PTPRD: variants seen among roughly 807,000 people sequenced by gnomAD.
PTPRD encodes the protein receptor-type tyrosine-protein phosphatase delta.
In PTPRD, 34 loss-of-function variants were observed where a neutral mutation model predicts 214.5. The ratio of observed to expected loss-of-function variants is 0.16; its 90% CI spans 0.12 to 0.21. The LOEUF is 0.21. PTPRD is among the 10% of genes least tolerant of loss of function. The probability of loss-of-function intolerance (pLI) is 1.00; values close to 1 mark genes in which losing one functional copy is unlikely to be tolerated. For missense variants in PTPRD, 2,545 were observed against 2,398.7 expected (o/e 1.06, Z -1.27); for synonymous variants, 1,128 against 845.7 (o/e 1.33, Z -5.79).
At position 8,695,410 on chromosome 9, in the gene PTPRD, G is replaced by A. The variant is rs555397962; in HGVS notation, c.64+38370C>T. 9.0e-4 allele frequency among the ~76,000 whole-genome samples: 137 copies of A among 151,820 alleles called. 1 individual carries two copies. Among genetic ancestry groups the A allele is most frequent in the Middle Eastern group, 6.8e-3 (2 of 294 alleles). On this transcript the variant is annotated intron_variant, in intron 12 of 45. Transcript: ENST00000381196. ...CCCACCCCCGCACCCCCACCCACTGGCATACACAGCAGGTTACTATAGAAT... is the reference window on the plus strand; with the variant it reads ...CCCACCCCCGCACCCCCACCCACTGACATACACAGCAGGTTACTATAGAAT...
intron 6 of PTPRD, among the ~76,000 whole-genome samples, chr9:9,754,596 C>A (rs1438665508): frequency 1.3e-5 from 2 of 152,018 alleles, no homozygotes; most frequent in East Asian, 3.8e-4. Context: ...CAATATTATA[C>A]TGATATTACA....
chr9:8,688,808 C>T (rs2097746458), intron 12 of PTPRD, among the ~76,000 whole-genome samples: 1 of 152,110 alleles, frequency 6.6e-6, no homozygotes, highest in Admixed American at 6.5e-5. Context: ...CATCAAACTA[C>T]ATTCAGTCTC....
At chr9:9,382,359 G>A (rs1358712013) in intron 9 of PTPRD, among the ~76,000 whole-genome samples, 1 of 151,984 alleles carries the variant, frequency 6.6e-6, no homozygotes, top group Non-Finnish European at 1.5e-5. Flanking sequence ...CTTATGCACA[G>A]CAAAGAAATA....
In PTPRD at chr9:9,908,221, C is replaced by A. The variant is rs1322657579; in HGVS notation, c.-368+30286G>T. On this transcript the variant is annotated intron_variant, in intron 5 of 45. Coordinates refer to ENST00000381196, the MANE Select transcript of PTPRD (RefSeq NM_002839.4). ...AAATTAAATACCTCTCTGGAATTTA[C>A]ACATATAGAACATTCCTGCTCAATG... Among the ~76,000 whole-genome samples the A allele has an allele frequency of 2.0e-5, 3 of 151,966 alleles. No homozygotes were observed. In the South Asian group the frequency reaches 6.2e-4, roughly 31 times the overall value.
intron 11 of PTPRD, among the ~76,000 whole-genome samples, chr9:8,946,718 C>T (rs1006707914): frequency 2.0e-5 from 3 of 152,116 alleles, no homozygotes; most frequent in Non-Finnish European, 4.4e-5. Flanking sequence ...TAACAGATCC[C>T]CAGGTTGCTC....
At chr9:8,854,934 GGAATCACATAT>G (rs1220706737) in intron 11 of PTPRD, among the ~76,000 whole-genome samples, 3 of 152,014 alleles carry the variant, frequency 2.0e-5, no homozygotes, top group African/African-American at 7.2e-5. Context: ...ACTGAGAACT[GGAATCACATAT>G]GAATTTGCAC....
At chr9:9,501,283 A>G (rs1057170564) in intron 8 of PTPRD, among the ~76,000 whole-genome samples, 2 of 151,992 alleles carry the variant, frequency 1.3e-5, no homozygotes, top group Non-Finnish European at 2.9e-5. Context: ...TTTAAAACAC[A>G]GATTGGAAGT....
chr9:8,863,614 G>T (rs2098143998), intron 11 of PTPRD, among the ~76,000 whole-genome samples: 1 of 152,050 alleles, frequency 6.6e-6, no homozygotes, highest in Non-Finnish European at 1.5e-5. Flanking sequence ...TATTGGTTTT[G>T]TTTTTTCATT....
intron 7 of PTPRD, among the ~76,000 whole-genome samples, chr9:9,673,101 A>T (rs1044494202): frequency 1.3e-5 from 2 of 152,036 alleles, no homozygotes; most frequent in Non-Finnish European, 2.9e-5. Context: ...ACAAACAGGT[A>T]CAAATTTTGA....
intron 5 of PTPRD, chr9:9,800,521 A>T (rs1186733334): frequency 6.6e-6 from 1 of 152,230 alleles, no homozygotes; most frequent in Admixed American, 6.5e-5. Flanking sequence ...AGATCCTTTA[A>T]TGATTTATAA....
intron 7 of PTPRD, among the ~76,000 whole-genome samples, chr9:9,690,997 A>C (rs2097260586): frequency 1.3e-5 from 2 of 151,814 alleles, no homozygotes; most frequent in Admixed American, 6.6e-5. Flanking sequence ...ATATTTAAAG[A>C]GTGTCATTCT....
intron 36 of PTPRD, among the ~76,000 whole-genome samples, chr9:8,400,031 T>C (rs564021337): frequency 8.7e-6 from 1 of 114,416 alleles, no homozygotes; most frequent in South Asian, 2.3e-4. Context: ...TAATGTCTTG[T>C]CTTTGTTGTT....
intron 3 of PTPRD, among the ~76,000 whole-genome samples, chr9:10,234,066 A>G (rs571300016): frequency 6.6e-6 from 1 of 151,898 alleles, no homozygotes; most frequent in South Asian, 2.1e-4. Context: ...CAGCCTGGCC[A>G]ACATGGTGAA....
intron 3 of PTPRD, among the ~76,000 whole-genome samples, chr9:10,288,057 A>T (rs910738419): frequency 6.6e-6 from 1 of 151,670 alleles, no homozygotes; most frequent in Non-Finnish European, 1.5e-5. Flanking sequence ...ATATGAATCA[A>T]TTAAGAATTC....
chr9:9,913,235 C>A (rs1391730949), intron 5 of PTPRD, among the ~76,000 whole-genome samples: 1 of 152,076 alleles, frequency 6.6e-6, no homozygotes, highest in Non-Finnish European at 1.5e-5. Flanking sequence ...AGCTACAGAG[C>A]AACACTGAAT....
At chr9:9,183,447 T>C (rs960079654) in intron 9 of PTPRD, 84 bp from the exon 10 acceptor site, 2 of 152,014 alleles carry the variant, frequency 1.3e-5, no homozygotes, top group African/African-American at 4.8e-5. Context: ...TGTCACCCCA[T>C]TTTTTAGTGG....
chr9:10,149,558 G>A lies in PTPRD; in HGVS notation c.-544-115768C>T, dbSNP rs76296487. On this transcript the variant is annotated intron_variant, in intron 3 of 45. Transcript: ENST00000381196. Reference sequence around the variant, plus strand: ...TCTACCTGGTGTACACCACTTACTCGTACTCCTGCCTAGTCCCCATGACTG... The same window carrying A: ...TCTACCTGGTGTACACCACTTACTCATACTCCTGCCTAGTCCCCATGACTG... Among the ~76,000 whole-genome samples, 1,109 of 151,996 alleles carry A rather than the reference G, an allele frequency of 7.3e-3. 9 individuals carry two copies. The highest frequency in any genetic ancestry group is 0.025 in the African/African-American group (1,042 of 41,434).
chr9:8,359,420 G>C (rs1055745677), intron 39 of PTPRD, among the ~76,000 whole-genome samples: 1 of 151,814 alleles, frequency 6.6e-6, no homozygotes, highest in Admixed American at 6.6e-5. Context: ...CACCTCCCAG[G>C]TTCAAGCAAT....
intron 27 of PTPRD, among the ~76,000 whole-genome samples, chr9:8,491,562 C>A (rs1434759501): frequency 6.6e-6 from 1 of 151,354 alleles, no homozygotes; most frequent in East Asian, 1.9e-4. Flanking sequence ...CTAACAGAGA[C>A]TGGATCCACA....
Sources: allele counts gnomAD v4.1 joint callset (sites outside exome capture counted in the v4.1 genomes callset), GRCh38; gene constraint gnomAD v4.1.1; transcripts MANE v1.5; gene names NCBI Gene and HGNC (gene_info 2026-07-23, HGNC 2026-07-21).